Variants in GPR89A observed in about 807,000 individuals in gnomAD.
GPR89A encodes the protein G protein-coupled receptor 89A.
A neutral mutation model predicts 52.0 loss-of-function variants in GPR89A; 16 were observed. The ratio of observed to expected loss-of-function variants is 0.31; its 90% CI spans 0.21 to 0.47. The LOEUF (loss-of-function observed/expected upper bound fraction) is 0.47, where lower values mean the gene tolerates loss of function less well. Ranked by LOEUF, GPR89A falls within the 20% of genes least tolerant of loss-of-function variation. The pLI, the probability that GPR89A is intolerant of heterozygous loss-of-function variation, is 1.00. For missense variants in GPR89A, 135 were observed against 449.4 expected (o/e 0.30, Z 6.33); for synonymous variants, 55 against 150.9 (o/e 0.36, Z 4.66).
intron 1 of GPR89A, among the ~76,000 whole-genome samples, chr1:145,614,656 T>C (rs1439230044): frequency 6.6e-6 from 1 of 151,918 alleles, no homozygotes; most frequent in Non-Finnish European, 1.5e-5. Flanking sequence ...TGTCAAAAAA[T>C]ATTTAAATCA....
At position 145,646,016 on chromosome 1, in the gene GPR89A, G is replaced by A. The variant is rs1371606244; in HGVS notation, c.728-168G>A. The A allele has an allele frequency of 4.6e-6, 4 of 873,974 alleles. No homozygotes were observed. The African/African-American group carries it at 6.7e-5, about 15-fold the overall frequency. The allele number at this position is 873,974 out of a possible 1,614,324, so 54.1% of individuals were successfully genotyped here. ...GAGAAGCTTTTACACACCTGCGTCA[G>A]AGGTTGGGAAAGCTGCTCTGAAGTA... is the stretch of plus-strand genomic sequence containing the variant. On this transcript the variant is annotated intron_variant, in intron 8 of 13. Transcript: ENST00000313835.
intron 5 of GPR89A, among the ~76,000 whole-genome samples, chr1:145,626,766 A>G (rs1344861262): frequency 3.3e-5 from 5 of 151,824 alleles, no homozygotes; most frequent in East Asian, 1.9e-4. Flanking sequence ...CCTGGCCAAC[A>G]TGGCAAAACC....
intron 7 of GPR89A, among the ~76,000 whole-genome samples, chr1:145,634,140 C>T (rs1342277252): frequency 2.7e-5 from 4 of 148,850 alleles, no homozygotes; most frequent in African/African-American, 4.9e-5. Flanking sequence ...AGTGCAGTGA[C>T]GTGATTTCAG....
chr1:145,611,714 A>G (rs1406937069), intron 1 of GPR89A: 2 of 150,494 alleles, frequency 1.3e-5, no homozygotes, highest in Admixed American at 6.6e-5. Context: ...CATTTCCACT[A>G]TACATACCAC....
chr1:145,656,854 A>C (rs1197306679), intron 10 of GPR89A, among the ~76,000 whole-genome samples: 2 of 151,590 alleles, frequency 1.3e-5, no homozygotes, highest in Non-Finnish European at 2.9e-5. Context: ...AGGTTGAGGA[A>C]GTTCCATTGT....
At chr1:145,639,844 C>T (rs1359717576) in intron 7 of GPR89A, among the ~76,000 whole-genome samples, 2 of 151,568 alleles carry the variant, frequency 1.3e-5, no homozygotes, top group African/African-American at 4.8e-5. Flanking sequence ...GAAAGATAAC[C>T]TTTCACCAAA....
At position 145,658,915 on chromosome 1, in the gene GPR89A, T is replaced by C. The variant is rs1404659385; in HGVS notation, c.910-4414T>C. ...GCCTCAGCCGCCTGAGTAGCTGGGA[T>C]TACAGGTGCGTACCACCACGCCTGG... On this transcript the variant is annotated intron_variant, in intron 10 of 13. Transcript: ENST00000313835. Among the ~76,000 whole-genome samples, 4 of 151,912 alleles carry C rather than the reference T, an allele frequency of 2.6e-5. No individual in the cohort carries two copies. The South Asian group carries it at 6.2e-4, about 24-fold the overall frequency.
intron 12 of GPR89A, among the ~76,000 whole-genome samples, chr1:145,666,670 A>T (rs1444997351): frequency 6.6e-6 from 1 of 150,900 alleles, no homozygotes; most frequent in Non-Finnish European, 1.5e-5. Context: ...TGTCATTTAC[A>T]TTAGGTATAT....
chr1:145,627,890 A>G (rs1248111302), intron 5 of GPR89A, among the ~76,000 whole-genome samples: 1 of 151,434 alleles, frequency 6.6e-6, no homozygotes, highest in Admixed American at 6.6e-5. Context: ...CCTGAGGCAG[A>G]AAGACCTTGG....
intron 10 of GPR89A, among the ~76,000 whole-genome samples, chr1:145,658,592 A>G (rs1386998610): frequency 6.9e-6 from 1 of 145,334 alleles, no homozygotes; most frequent in African/African-American, 2.6e-5. Flanking sequence ...TTGTGCCACC[A>G]CACTCCAGCA....
At chr1:145,635,957 C>CAA (rs71265889) in intron 7 of GPR89A, among the ~76,000 whole-genome samples, 2 of 117,104 alleles carry the variant, frequency 1.7e-5, no homozygotes, top group Admixed American at 8.8e-5. Context: ...GACTCTGTCT[C>CAA]AAAAAAAAAA....
intron 1 of GPR89A, among the ~76,000 whole-genome samples, chr1:145,611,105 C>A (rs1553686025): frequency 1.3e-5 from 2 of 150,688 alleles, no homozygotes; most frequent in African/African-American, 4.9e-5. Flanking sequence ...TTTGGATCCT[C>A]TATAATCTTG....
intron 3 of GPR89A, among the ~76,000 whole-genome samples, chr1:145,619,505 T>G (rs1648964361): frequency 6.6e-6 from 1 of 151,978 alleles, no homozygotes; most frequent in South Asian, 2.1e-4. Context: ...CCAGCTACCC[T>G]GGAGGCTGAA....
intron 5 of GPR89A, among the ~76,000 whole-genome samples, chr1:145,629,195 C>T (rs587617230): frequency 2.9e-4 from 44 of 152,116 alleles, no homozygotes; most frequent in African/African-American, 1.0e-3. Context: ...TTCCCAGGGC[C>T]CAGAGAAGAT....
chr1:145,636,292 A>G (rs868936564), intron 7 of GPR89A, among the ~76,000 whole-genome samples: 4,327 of 142,578 alleles, frequency 0.03, 146 homozygotes, highest in African/African-American at 0.11. Context: ...CACAATATAG[A>G]AAAACTGTTT....
chr1:145,610,100 A>T (rs1378456794), intron 1 of GPR89A, among the ~76,000 whole-genome samples: 3 of 152,166 alleles, frequency 2.0e-5, no homozygotes, highest in African/African-American at 7.2e-5. Flanking sequence ...ATTCACCAGC[A>T]TCTAGATCAG....
intron 1 of GPR89A, among the ~76,000 whole-genome samples, chr1:145,613,486 A>G (rs1212319573): frequency 6.6e-6 from 1 of 152,282 alleles, no homozygotes; most frequent in Middle Eastern, 3.4e-3. Context: ...TATATAATAT[A>G]AAACAAATCA....
intron 7 of GPR89A, among the ~76,000 whole-genome samples, chr1:145,632,957 A>G (rs1359607512): frequency 1.3e-5 from 2 of 151,644 alleles, no homozygotes; most frequent in East Asian, 1.9e-4. Flanking sequence ...GTATGAGGTG[A>G]TATCTCATTG....
At chr1:145,636,121 G>A (rs1437076711) in intron 7 of GPR89A, among the ~76,000 whole-genome samples, 6 of 152,004 alleles carry the variant, frequency 3.9e-5, no homozygotes, top group Admixed American at 2.0e-4. Context: ...TTTGTGGTCC[G>A]ACAGTAAGTT....
Sources: allele counts gnomAD v4.1 joint callset (sites outside exome capture counted in the v4.1 genomes callset), GRCh38; gene constraint gnomAD v4.1.1; transcripts MANE v1.5; gene names NCBI Gene and HGNC (gene_info 2026-07-23, HGNC 2026-07-21).